The following GASK1B variants were observed in gnomAD, a reference collection of about 807,000 sequenced individuals.
GASK1B encodes the protein Golgi-associated kinase 1B.
A neutral mutation model predicts 42.8 loss-of-function variants in GASK1B; 34 were observed. The ratio of observed to expected loss-of-function variants is 0.79; its 90% CI spans 0.60 to 1.06. The LOEUF is 1.06. Ranked by LOEUF, GASK1B falls within the 50% of genes least tolerant of loss-of-function variation. The pLI is 0.00. For synonymous variants in GASK1B, 262 were observed against 259.1 expected, an observed-to-expected ratio of 1.01 and a Z score of -0.11; for missense variants, 686 against 661.0, an observed-to-expected ratio of 1.04 and a Z score of -0.42.
intron 2 of GASK1B, among the ~76,000 whole-genome samples, chr4:158,159,085 A>C (rs1006442747): frequency 6.6e-6 from 1 of 152,116 alleles, no homozygotes; most frequent in Non-Finnish European, 1.5e-5. Flanking sequence ...TGATAAGTAT[A>C]ATTGGTTTTC....
intron 3 of GASK1B, among the ~76,000 whole-genome samples, chr4:158,132,160 T>G (rs532678586): frequency 1.1e-4 from 17 of 149,434 alleles, no homozygotes; most frequent in African/African-American, 3.4e-4. Context: ...TGGATTTGTT[T>G]GTCTCCAAAA....
At chr4:158,147,321 C>T (rs909176299) in intron 3 of GASK1B, among the ~76,000 whole-genome samples, 3 of 151,870 alleles carry the variant, frequency 2.0e-5, no homozygotes, top group Admixed American at 2.0e-4. Context: ...CATTTTATGG[C>T]CAGGCACGGT....
intron 3 of GASK1B, among the ~76,000 whole-genome samples, chr4:158,143,279 T>G (rs1731203813): frequency 6.6e-6 from 1 of 152,212 alleles, no homozygotes. Context: ...ACATAGGGGT[T>G]TATTATAATA....
Position 158,171,103 on chromosome 4 carries a change from G to A in GASK1B, c.273C>T (p.Ala91=). 6.2e-7 allele frequency: 1 copy of A among 1,609,604 alleles called. No homozygotes were observed. Among genetic ancestry groups the A allele is most frequent in the Non-Finnish European group, 8.5e-7 (1 of 1,176,598 alleles). ...FPEIPLDGTL[A]PPESQGNGST... ...ACCCATTGCCCTGGGACTCTGGAGGGGCCAGGGTACCATCCAGGGGTATCT... is the reference window on the plus strand; with the variant it reads ...ACCCATTGCCCTGGGACTCTGGAGGAGCCAGGGTACCATCCAGGGGTATCT... The change falls in exon 2 of 5, where the codon GCC becomes GCT. Residue 91 remains alanine, a synonymous_variant. Coordinates refer to ENST00000585682, the MANE Select transcript of GASK1B (RefSeq NM_001128424.2).
chr4:158,167,098 T>C (rs1004465912), intron 2 of GASK1B: 8 of 152,302 alleles, frequency 5.3e-5, no homozygotes, highest in Non-Finnish European at 1.0e-4. Context: ...ACCACTTTCT[T>C]GGTGCCAGAT....
rs17037176 is a variant in GASK1B at position 158,151,016 on chromosome 4, A to G, written c.1125+4595T>C. Among the ~76,000 whole-genome samples the G allele has an allele frequency of 4.2e-3, 636 of 152,348 alleles. 3 individuals carry two copies. The highest frequency in any genetic ancestry group is 0.015 in the African/African-American group (607 of 41,582). On this transcript the variant is annotated intron_variant, in intron 3 of 4. Coordinates refer to ENST00000585682, the MANE Select transcript of GASK1B (RefSeq NM_001128424.2). The stretch of plus-strand genomic sequence containing the variant: ...CCTACTCACACTCATAAAATAATGA[A>G]CTAACAAAAGGATAATGTTTCCCAA...
intron 2 of GASK1B, among the ~76,000 whole-genome samples, chr4:158,158,566 T>A (rs1043695834): frequency 6.6e-6 from 1 of 152,234 alleles, no homozygotes; most frequent in Non-Finnish European, 1.5e-5. Flanking sequence ...TTTTGTTTAA[T>A]TATTTTTAAA....
intron 3 of GASK1B, among the ~76,000 whole-genome samples, chr4:158,135,782 A>G (rs1256994811): frequency 6.6e-6 from 1 of 152,004 alleles, no homozygotes; most frequent in Admixed American, 6.5e-5. Flanking sequence ...AATACAAAGA[A>G]CTTCCGTAGG....
At chr4:158,172,178 C>G (rs1732579290) in intron 1 of GASK1B, 2 of 151,982 alleles carry the variant, frequency 1.3e-5, no homozygotes, top group South Asian at 4.1e-4. Flanking sequence ...CTCTTTCTCT[C>G]TCTCTCACAC....
intron 3 of GASK1B, among the ~76,000 whole-genome samples, chr4:158,143,957 T>C (rs553200627): frequency 6.6e-6 from 1 of 152,318 alleles, no homozygotes; most frequent in South Asian, 2.1e-4. Flanking sequence ...TCAAATTTCC[T>C]TGTTACTGAT....
intron 1 of GASK1B, among the ~76,000 whole-genome samples, chr4:158,172,013 T>G (rs1489200660): frequency 6.6e-6 from 1 of 152,190 alleles, no homozygotes; most frequent in Non-Finnish European, 1.5e-5. Flanking sequence ...GTATTAACAA[T>G]AAAATTTAGA....
At chr4:158,154,653 A>G (rs183760366) in intron 3 of GASK1B, among the ~76,000 whole-genome samples, 4 of 152,354 alleles carry the variant, frequency 2.6e-5, no homozygotes, top group Admixed American at 6.5e-5. Flanking sequence ...TGGTATATAT[A>G]TACCATAGAA....
intron 2 of GASK1B, chr4:158,169,959 TGA>T (rs1732396804): frequency 2.3e-6 from 1 of 431,118 alleles, no homozygotes; most frequent in African/African-American, 2.0e-5. Flanking sequence ...TTAAATCCAT[TGA>T]AAAAAAAAGG....
intron 3 of GASK1B, among the ~76,000 whole-genome samples, chr4:158,140,627 C>T (rs1356788387): frequency 6.6e-6 from 1 of 152,170 alleles, no homozygotes; most frequent in Admixed American, 6.5e-5. Context: ...TTGCTTTGCT[C>T]GAGCATACCC....
intron 2 of GASK1B, among the ~76,000 whole-genome samples, chr4:158,160,758 G>A (rs1731943662): frequency 6.6e-6 from 1 of 152,072 alleles, no homozygotes; most frequent in African/African-American, 2.4e-5. Flanking sequence ...TAAACATAAT[G>A]GAGTACTATT....
At chr4:158,144,207 T>C (rs546894050) in intron 3 of GASK1B, among the ~76,000 whole-genome samples, 2 of 152,332 alleles carry the variant, frequency 1.3e-5, no homozygotes, top group African/African-American at 4.8e-5. Flanking sequence ...TTGCAAGCAG[T>C]ACTGAGAAGA....
At chr4:158,149,858 C>T (rs1273195979) in intron 3 of GASK1B, among the ~76,000 whole-genome samples, 1 of 145,518 alleles carries the variant, frequency 6.9e-6, no homozygotes, top group Non-Finnish European at 1.5e-5. Flanking sequence ...TAACATTGGA[C>T]AAGTTAGATA....
chr4:158,162,649 G>A (rs1441648282), intron 2 of GASK1B, among the ~76,000 whole-genome samples: 1 of 152,190 alleles, frequency 6.6e-6, no homozygotes, highest in African/African-American at 2.4e-5. Flanking sequence ...CCACTCCCAT[G>A]TATCTCTTAT....
rs768762237 is a variant in GASK1B, at chr4:158,170,566, C to T, written c.810G>A (p.Gln270=). 5.0e-6 allele frequency: 8 copies of T among 1,614,092 alleles called. No homozygotes were observed. The highest frequency in any genetic ancestry group is 5.1e-6 in the Non-Finnish European group (6 of 1,180,050). Residue 270 remains glutamine (Q), a synonymous_variant, in exon 2 of 5, where the codon CAG becomes CAA. Coordinates refer to ENST00000585682, the MANE Select transcript of GASK1B (RefSeq NM_001128424.2). Reference sequence around the variant, plus strand: ...CAAACACCTCACTCATGTCCAAGGGCTGCTTGAGAAGCCCACAGGGGCTAG... The same window carrying T: ...CAAACACCTCACTCATGTCCAAGGGTTGCTTGAGAAGCCCACAGGGGCTAG... ...CGPSPCGLLK[Q]PLDMSEVFAF...
Sources: allele counts gnomAD v4.1 joint callset (sites outside exome capture counted in the v4.1 genomes callset), GRCh38; gene constraint gnomAD v4.1.1; transcripts MANE v1.5; gene names NCBI Gene and HGNC (gene_info 2026-07-23, HGNC 2026-07-21).